CREBRF: variants seen among roughly 807,000 people sequenced by gnomAD.
CREBRF encodes CREB3 regulatory factor, also known as UPF0474 protein C5orf41.
In CREBRF, 5 loss-of-function variants were observed where a neutral mutation model predicts 66.1. That is an observed-to-expected ratio of 0.08 (90% CI 0.04 to 0.16). CREBRF has a LOEUF of 0.16. CREBRF is among the 10% of genes least tolerant of loss of function. The pLI is 1.00. For synonymous variants in CREBRF, 229 were observed against 264.4 expected, an observed-to-expected ratio of 0.87 and a Z score of 1.30; for missense variants, 531 against 744.9, an observed-to-expected ratio of 0.71 and a Z score of 3.34.
chr5:173,109,007 C>A (rs1462892520), intron 5 of CREBRF, 189 bp downstream of exon 5: 6 of 559,676 alleles, frequency 1.1e-5, no homozygotes, highest in Non-Finnish European at 1.9e-5. Context: ...TGTTAAGAGT[C>A]CTCACCTAAG....
At chr5:173,131,419 G>A (rs140898424) in intron 8 of CREBRF, among the ~76,000 whole-genome samples, 20 of 152,120 alleles carry the variant, frequency 1.3e-4, no homozygotes, top group Non-Finnish European at 2.9e-4. Context: ...ATCCAGTCGA[G>A]GATCATGCAT....
chr5:173,127,373 G>A (rs776098890), intron 8 of CREBRF, among the ~76,000 whole-genome samples: 1 of 150,046 alleles, frequency 6.7e-6, no homozygotes, highest in Admixed American at 6.6e-5. Flanking sequence ...TGGTCTCAAA[G>A]TCCTGACCTC....
chr5:173,128,055 A>G (rs1033635415), intron 8 of CREBRF, among the ~76,000 whole-genome samples: 5 of 152,054 alleles, frequency 3.3e-5, no homozygotes, highest in Non-Finnish European at 7.4e-5. Flanking sequence ...GAGTTGTTAG[A>G]TGCTTAATTT....
At chr5:173,104,587 G>A (rs1324130832) in intron 4 of CREBRF, among the ~76,000 whole-genome samples, 2 of 152,122 alleles carry the variant, frequency 1.3e-5, no homozygotes, top group Admixed American at 6.6e-5. Context: ...GGCTGAGGTG[G>A]GAGGATTGCT....
At chr5:173,124,559 C>CAAAAAAA (rs540860912) in intron 8 of CREBRF, 37 of 75,426 alleles carry the variant, frequency 4.9e-4, no homozygotes, top group East Asian at 2.1e-3. Context: ...AACTCTGTCT[C>CAAAAAAA]AAAAAAAAAA....
chr5:173,124,919 C>CTTTTTTTTTTTTT (rs373993898), intron 8 of CREBRF, among the ~76,000 whole-genome samples: 1 of 112,804 alleles, frequency 8.9e-6, no homozygotes, highest in Non-Finnish European at 1.8e-5. Flanking sequence ...TCTTCTTCTT[C>CTTTTTTTTTTTTT]TTTTTTTTTT....
intron 1 of CREBRF, among the ~76,000 whole-genome samples, chr5:173,058,512 C>T (rs1449416235): frequency 2.7e-5 from 4 of 150,760 alleles, no homozygotes; most frequent in Non-Finnish European, 5.9e-5. Flanking sequence ...GAGACGGAGT[C>T]TCGCTCTGTC....
chr5:173,064,540 G>A (rs140673116), intron 1 of CREBRF, among the ~76,000 whole-genome samples: 5,572 of 149,102 alleles, frequency 0.037, 221 homozygotes, highest in African/African-American at 0.093. Context: ...CTACAGGTGC[G>A]CACCACCACA....
At chr5:173,083,338 C>G (rs1451613459) in intron 2 of CREBRF, among the ~76,000 whole-genome samples, 3 of 152,152 alleles carry the variant, frequency 2.0e-5, no homozygotes, top group African/African-American at 7.2e-5. Flanking sequence ...CCAGACTTGA[C>G]TCTGGCGGGA....
chr5:173,085,696 C>T (rs1758124954), intron 2 of CREBRF: 19 of 722,478 alleles, frequency 2.6e-5, no homozygotes, highest in Middle Eastern at 2.7e-4. Flanking sequence ...GGATTACAGG[C>T]GTGAGCCACC....
At chr5:173,096,960 A>C (rs1240130867) in intron 4 of CREBRF, among the ~76,000 whole-genome samples, 1 of 152,118 alleles carries the variant, frequency 6.6e-6, no homozygotes, top group Non-Finnish European at 1.5e-5. Flanking sequence ...ATCCCACTTC[A>C]TCATGATGTA....
Position 173,108,636 on chromosome 5 carries a change from A to T in CREBRF, c.1235A>T (p.Asp412Val), listed in dbSNP as rs1758803165. 6.2e-7 allele frequency: 1 copy of T among 1,606,508 alleles called. No homozygotes were observed. The highest frequency in any genetic ancestry group is 8.5e-7 in the Non-Finnish European group (1 of 1,178,248). The change falls in exon 5 of 9, where the codon GAT becomes GTT. Residue 412 changes from aspartate to valine, a missense_variant. Asp to Val is a radical substitution (Grantham distance 152, BLOSUM62 -3). Coordinates refer to ENST00000296953, the MANE Select transcript of CREBRF (RefSeq NM_153607.3). ...DTFSEPGYEN[D>V]SVEDLKEVTS... ...ACCTTTTTTTAAGGCTATGAAAATGATTCTGTAGAAGACCTGAAGGAGGTG... is the reference window on the plus strand; with the variant it reads ...ACCTTTTTTTAAGGCTATGAAAATGTTTCTGTAGAAGACCTGAAGGAGGTG...
At chr5:173,133,582 T>G (rs199967976) in intron 8 of CREBRF, 48 bp from the exon 9 acceptor site, 1 of 1,107,704 alleles carries the variant, frequency 9.0e-7, no homozygotes, top group Non-Finnish European at 1.4e-6. Context: ...CTTCCCTTCA[T>G]GGCCTTCCAT....
At chr5:173,126,754 A>G (rs1398069162) in intron 8 of CREBRF, among the ~76,000 whole-genome samples, 1 of 152,146 alleles carries the variant, frequency 6.6e-6, no homozygotes, top group Admixed American at 6.5e-5. Flanking sequence ...GTTGCCATAC[A>G]TGTCTTAAAG....
chr5:173,088,906 G>A (rs1321180113), intron 3 of CREBRF, among the ~76,000 whole-genome samples: 2 of 151,876 alleles, frequency 1.3e-5, no homozygotes, highest in African/African-American at 2.4e-5. Context: ...CAGGCCGGGC[G>A]CAGTGGTCAT....
rs1356342823 is a variant in CREBRF, at chr5:173,090,396, T to C, written c.217T>C (p.Ser73Pro). ...CTGCAAAGACATTGAAAATCTGGAGTCTTTCACAGATGTCCTGGATAATGA... is the reference window on the plus strand; with the variant it reads ...CTGCAAAGACATTGAAAATCTGGAGCCTTTCACAGATGTCCTGGATAATGA... ...EDCKDIENLESFTDVLDNEGA... is the reference protein window; with the variant it reads ...EDCKDIENLEPFTDVLDNEGA... Residue 73 changes from serine to proline, a missense_variant, in exon 4 of 9, where the codon TCT becomes CCT. Physicochemically the swap from Ser to Pro is moderately conservative, Grantham distance 74. This residue lies in a region of CREBRF where 133 missense variants were observed against 215.6 expected (regional missense o/e 0.62). Coordinates refer to ENST00000296953, the MANE Select transcript of CREBRF (RefSeq NM_153607.3). The surrounding 1 kb of genome is among the most constrained non-coding windows in gnomAD (Gnocchi z 4.5). 6.2e-7 allele frequency: 1 copy of C among 1,613,568 alleles called. No individual in the cohort carries two copies. The highest frequency in any genetic ancestry group is 1.7e-5 in the Admixed American group (1 of 59,984).
intron 4 of CREBRF, among the ~76,000 whole-genome samples, chr5:173,099,472 C>G (rs754773519): frequency 2.6e-5 from 4 of 152,052 alleles, no homozygotes; most frequent in Non-Finnish European, 4.4e-5. Context: ...ATCCTTAAAG[C>G]TAAAGTGATT....
chr5:173,109,890 C>G (rs1758833599), intron 5 of CREBRF: 1 of 153,318 alleles, frequency 6.5e-6, no homozygotes, highest in African/African-American at 2.4e-5. Flanking sequence ...AGTCAATAAT[C>G]CCAAGTAGCA....
intron 1 of CREBRF, among the ~76,000 whole-genome samples, chr5:173,070,761 A>C (rs1346698439): frequency 1.3e-5 from 2 of 152,128 alleles, no homozygotes; most frequent in African/African-American, 4.8e-5. Flanking sequence ...ACAAACTAAG[A>C]TGCTTTGGAG....
Sources: gnomAD v4.1 joint callset for allele counts (sites outside exome capture counted in the v4.1 genomes callset) on GRCh38, gnomAD v4.1.1 for gene constraint, gnomAD v4.1.1 regional missense constraint, Gnocchi (gnomAD v3.1) non-coding constraint, MANE v1.5 for transcripts, NCBI Gene and HGNC (gene_info 2026-07-23, HGNC 2026-07-21) for gene names.